SOX5: variants seen among roughly 807,000 people sequenced by gnomAD.
SOX5 encodes the protein transcription factor SOX-5.
A neutral mutation model predicts 92.0 loss-of-function variants in SOX5; 9 were observed. The observed-to-expected ratio is 0.10, with a 90% CI of 0.06 to 0.17. The LOEUF (loss-of-function observed/expected upper bound fraction) is 0.17. Ranked by LOEUF, SOX5 falls within the 10% of genes least tolerant of loss-of-function variation. SOX5 has a pLI of 1.00. For missense variants in SOX5, 642 were observed against 944.5 expected (o/e 0.68, Z 4.20); for synonymous variants, 344 against 336.3 (o/e 1.02, Z -0.25).
chr12:24,294,956 T>C (rs1947032179), intron 2 of SOX5, among the ~76,000 whole-genome samples: 1 of 152,172 alleles, frequency 6.6e-6, no homozygotes, highest in African/African-American at 2.4e-5. Flanking sequence ...AGGTAAAATA[T>C]GGAATTCCAT....
At chr12:23,576,755 ATAATAT>A (rs1277576393) in intron 9 of SOX5, among the ~76,000 whole-genome samples, 1 of 152,160 alleles carries the variant, frequency 6.6e-6, no homozygotes, top group East Asian at 1.9e-4. Context: ...TAAGAATGAG[ATAATAT>A]TAACATTATA....
At chr12:23,931,634 A>T (rs1391140613) in intron 1 of SOX5, among the ~76,000 whole-genome samples, 1 of 151,694 alleles carries the variant, frequency 6.6e-6, no homozygotes, top group Non-Finnish European at 1.5e-5. Context: ...CTTGCTTCTA[A>T]TTTTTTTCAA....
chr12:24,096,781 T>C (rs549189882), intron 4 of SOX5, among the ~76,000 whole-genome samples: 49 of 152,048 alleles, frequency 3.2e-4, no homozygotes, highest in African/African-American at 1.2e-3. Context: ...TGTGCAAAAG[T>C]GTGTGTGTGT....
chr12:24,003,938 T>G (rs915426831), intron 4 of SOX5, among the ~76,000 whole-genome samples: 7 of 152,100 alleles, frequency 4.6e-5, no homozygotes, highest in Non-Finnish European at 8.8e-5. Flanking sequence ...GGAACTGTCA[T>G]AAGATGAGAT....
At chr12:24,057,709 C>T (rs1958270542) in intron 4 of SOX5, among the ~76,000 whole-genome samples, 1 of 152,142 alleles carries the variant, frequency 6.6e-6, no homozygotes, top group African/African-American at 2.4e-5. Flanking sequence ...ACAACACAGG[C>T]AATAATATGT....
intron 1 of SOX5, among the ~76,000 whole-genome samples, chr12:23,942,807 C>T (rs1188862793): frequency 2.0e-5 from 3 of 151,938 alleles, no homozygotes; most frequent in East Asian, 3.9e-4. Flanking sequence ...TAATGAAACC[C>T]CATGCATCTC....
At chr12:23,613,318 C>T (rs567597682) in intron 8 of SOX5, among the ~76,000 whole-genome samples, 13 of 143,720 alleles carry the variant, frequency 9.0e-5, no homozygotes, top group South Asian at 8.6e-4. Flanking sequence ...CCCATTAGGA[C>T]GACTCCTATC....
At chr12:23,554,714 G>C (rs994133472) in intron 11 of SOX5, among the ~76,000 whole-genome samples, 1 of 152,118 alleles carries the variant, frequency 6.6e-6, no homozygotes, top group Admixed American at 6.6e-5. Context: ...ATTGGTAAAA[G>C]AGGAGAAGAG....
chr12:23,789,863 C>T (rs2095440420), intron 3 of SOX5, among the ~76,000 whole-genome samples: 2 of 152,124 alleles, frequency 1.3e-5, no homozygotes, highest in African/African-American at 4.8e-5. Context: ...CATAGAAACA[C>T]TGATACATTT....
chr12:23,771,355 G>A (rs1463200931), intron 3 of SOX5, among the ~76,000 whole-genome samples: 1 of 152,112 alleles, frequency 6.6e-6, no homozygotes, highest in Admixed American at 6.5e-5. Flanking sequence ...AAGACCTACT[G>A]TCACTGAGCC....
intron 6 of SOX5, among the ~76,000 whole-genome samples, chr12:23,686,802 T>C (rs1329135276): frequency 6.6e-6 from 1 of 152,034 alleles, no homozygotes; most frequent in Non-Finnish European, 1.5e-5. Context: ...ATGTAAAATA[T>C]GTGAAAATAG....
At chr12:24,032,461 G>A (rs992491057) in intron 4 of SOX5, among the ~76,000 whole-genome samples, 1 of 151,650 alleles carries the variant, frequency 6.6e-6, no homozygotes, top group African/African-American at 2.4e-5. Context: ...ACTAAGGTTT[G>A]GATAGAAAAT....
At chr12:23,891,041 A>C (rs1272309773) in intron 2 of SOX5, among the ~76,000 whole-genome samples, 1 of 152,210 alleles carries the variant, frequency 6.6e-6, no homozygotes, top group Admixed American at 6.5e-5. Context: ...TCATAGACTT[A>C]TAACAATCTG....
At chr12:24,449,913 T>C (rs181482290) in intron 1 of SOX5, among the ~76,000 whole-genome samples, 2 of 152,300 alleles carry the variant, frequency 1.3e-5, no homozygotes, top group East Asian at 3.9e-4. Flanking sequence ...AAGTGTTCCC[T>C]AGCCCCCACA....
At chr12:24,038,611 C>T (rs1346769531) in intron 4 of SOX5, among the ~76,000 whole-genome samples, 2 of 151,726 alleles carry the variant, frequency 1.3e-5, no homozygotes, top group Non-Finnish European at 1.5e-5. Context: ...AAGTGGTCCA[C>T]GTAGAGCACA....
intron 4 of SOX5, among the ~76,000 whole-genome samples, chr12:23,750,527 A>G (rs367908587): frequency 6.6e-6 from 1 of 151,930 alleles, no homozygotes; most frequent in East Asian, 1.9e-4. Context: ...GCATTACCCA[A>G]TAGTCTGGAG....
chr12:23,568,809 C>A (rs942150214), intron 10 of SOX5, among the ~76,000 whole-genome samples: 1 of 151,730 alleles, frequency 6.6e-6, no homozygotes, highest in Non-Finnish European at 1.5e-5. Context: ...CCTTGGCCTC[C>A]TAACTGGTTT....
intron 1 of SOX5, among the ~76,000 whole-genome samples, chr12:24,379,832 T>A (rs1286180264): frequency 3.6e-4 from 50 of 140,744 alleles, no homozygotes; most frequent in African/African-American, 1.2e-3. Context: ...TTTACCACTT[T>A]AAAAAAAAAA....
chr12:24,085,204 C>T, intron 4 of SOX5, among the ~76,000 whole-genome samples: 1 of 152,156 alleles, frequency 6.6e-6, no homozygotes, highest in Non-Finnish European at 1.5e-5. Flanking sequence ...GGAAGAGGGG[C>T]AACAGATGCC....
Sources: allele counts gnomAD v4.1 joint callset (sites outside exome capture counted in the v4.1 genomes callset), GRCh38; gene constraint gnomAD v4.1.1; transcripts MANE v1.5; gene names NCBI Gene and HGNC (gene_info 2026-07-23, HGNC 2026-07-21).